DLC1: variants seen among roughly 807,000 people sequenced by gnomAD.
The protein encoded by DLC1 is rho GTPase-activating protein 7.
DLC1 carries 54 observed loss-of-function variants against 140.3 expected under a neutral mutation model. The ratio of observed to expected loss-of-function variants is 0.38; its 90% CI spans 0.31 to 0.48. DLC1 has a LOEUF of 0.48. DLC1 is among the 20% of genes least tolerant of loss of function. The pLI, the probability that DLC1 is intolerant of heterozygous loss-of-function variation, is 0.96. For synonymous variants in DLC1, 986 were observed against 728.1 expected (o/e 1.35, Z -5.70); for missense variants, 2,536 against 1,907.0 (o/e 1.33, Z -6.14).
intron 4 of DLC1, among the ~76,000 whole-genome samples, chr8:13,330,221 G>T (rs931843148): frequency 7.9e-5 from 12 of 152,008 alleles, no homozygotes; most frequent in Non-Finnish European, 1.2e-4. Context: ...CAAAATGCTG[G>T]GATTGCAGGA....
chr8:13,269,935 C>T (rs983350133), intron 5 of DLC1, among the ~76,000 whole-genome samples: 1 of 150,050 alleles, frequency 6.7e-6, no homozygotes, highest in African/African-American at 2.4e-5. Flanking sequence ...GGCATGGTGG[C>T]GGGCGCCTGT....
rs929669855 is a variant in DLC1 at position 13,099,904 on chromosome 8, T to C, written c.2433A>G (p.Glu811=). ...TGGGGAAAGTGCCAGGCTTGTGATC[T>C]TCAGGGATGTAGAACACCGTGTCCT... ...YPEDTVFYIP[E]DHKPGTFPKA... The change falls in exon 9 of 18, where the codon GAA becomes GAG. Residue 811 remains glutamate, a synonymous_variant. Transcript: ENST00000276297. The C allele has an allele frequency of 1.2e-6, 2 of 1,614,134 alleles. No homozygotes were observed. The highest frequency in any genetic ancestry group is 4.5e-5 in the East Asian group (2 of 44,876).
At chr8:13,128,156 C>G (rs1401830780) in intron 5 of DLC1, among the ~76,000 whole-genome samples, 2 of 152,190 alleles carry the variant, frequency 1.3e-5, no homozygotes, top group Non-Finnish European at 2.9e-5. Flanking sequence ...TAATAGTTCA[C>G]TTTTTGGTGC....
chr8:13,412,911 G>A (rs1837847211), intron 2 of DLC1, among the ~76,000 whole-genome samples: 2 of 128,862 alleles, frequency 1.6e-5, no homozygotes, highest in South Asian at 2.6e-4. Context: ...CAGTCTGGGC[G>A]ACAGAGCGAG....
At chr8:13,473,164 C>A (rs1279178482) in intron 2 of DLC1, among the ~76,000 whole-genome samples, 2 of 152,132 alleles carry the variant, frequency 1.3e-5, no homozygotes, top group African/African-American at 4.8e-5. Context: ...ATACCATCTG[C>A]ATGGAAACAG....
Position 13,499,724 on chromosome 8 carries a change from A to T in DLC1, c.348T>A (p.Asn116Lys), listed in dbSNP as rs1801701021. Residue 116 changes from asparagine (N) to lysine (K), a missense_variant, in exon 2 of 18, where the codon AAT (asparagine) becomes AAA (lysine). Asn to Lys is a moderately conservative substitution (Grantham distance 94). Transcript: ENST00000276297. ...TATCATCTGTAAGGCATAAATCAGC[A>T]TTGTTATCCTCATCAGAAACATGCA... is the stretch of plus-strand genomic sequence containing the variant. The part of the protein sequence containing the change: ...TLVHVSDEDN[N>K]ADLCLTDDKQ... 3 of 1,614,170 alleles carry T rather than the reference A, an allele frequency of 1.9e-6. No homozygotes were observed. Among genetic ancestry groups the T allele is most frequent in the Non-Finnish European group, 1.7e-6 (2 of 1,180,024 alleles).
At chr8:13,561,824 A>C (rs901695499) in intron 1 of DLC1, among the ~76,000 whole-genome samples, 1 of 152,228 alleles carries the variant, frequency 6.6e-6, no homozygotes, top group Admixed American at 6.5e-5. Flanking sequence ...AAAATGGGTA[A>C]GGTTATTAAC....
intron 2 of DLC1, among the ~76,000 whole-genome samples, chr8:13,446,680 C>T (rs1798789373): frequency 6.6e-6 from 1 of 152,042 alleles, no homozygotes; most frequent in Non-Finnish European, 1.5e-5. Context: ...GTGGTTCACG[C>T]CTGTAATCTC....
chr8:13,109,817 G>A (rs369570486), intron 7 of DLC1, among the ~76,000 whole-genome samples: 16 of 151,032 alleles, frequency 1.1e-4, no homozygotes, highest in African/African-American at 2.9e-4. Flanking sequence ...CCTGGGAGGC[G>A]GAGGTTGCAG....
intron 2 of DLC1, among the ~76,000 whole-genome samples, chr8:13,436,347 A>G (rs79113819): frequency 0.029 from 4,414 of 152,318 alleles, 204 homozygotes; most frequent in African/African-American, 0.1. Context: ...CAGGTTTTAC[A>G]CTTTTCTCGA....
At chr8:13,575,351 G>T (rs749458561) in intron 1 of DLC1, among the ~76,000 whole-genome samples, 5 of 152,008 alleles carry the variant, frequency 3.3e-5, no homozygotes, top group Non-Finnish European at 7.4e-5. Context: ...TTAGGAGGGG[G>T]GTACGAGAGG....
intron 5 of DLC1, among the ~76,000 whole-genome samples, chr8:13,119,789 C>CAA (rs1489763187): frequency 2.0e-5 from 3 of 151,252 alleles, no homozygotes; most frequent in African/African-American, 7.3e-5. Context: ...TTCATCTCTA[C>CAA]AAAAAATATA....
chr8:13,550,822 G>C (rs1034077181), intron 1 of DLC1, among the ~76,000 whole-genome samples: 2 of 151,998 alleles, frequency 1.3e-5, no homozygotes, highest in African/African-American at 4.8e-5. Context: ...GAAAACTCTG[G>C]CTCAGATTCT....
intron 5 of DLC1, among the ~76,000 whole-genome samples, chr8:13,281,821 T>C (rs1004082951): frequency 6.6e-6 from 1 of 152,226 alleles, no homozygotes; most frequent in Admixed American, 6.5e-5. Flanking sequence ...TTATTTCCTT[T>C]TGACTGCTGA....
At chr8:13,336,781 ATATAT>A (rs1322790919) in intron 4 of DLC1, among the ~76,000 whole-genome samples, 1 of 152,220 alleles carries the variant, frequency 6.6e-6, no homozygotes, top group African/African-American at 2.4e-5. Context: ...AATGTACATA[ATATAT>A]TAATAGTATA....
Position 13,401,590 on chromosome 8 carries a change from C to A in DLC1, c.1053G>T (p.Arg351=), listed in dbSNP as rs181293901. The change falls in exon 3 of 18, where the codon CGG becomes CGT. Residue 351 remains arginine (R), a synonymous_variant. Coordinates refer to ENST00000276297, the MANE Select transcript of DLC1 (RefSeq NM_182643.3). ...KEIREDRDRA[R]LDSMVLLIMK... Reference sequence around the variant, plus strand: ...TAATCAGCAGCACCATGGAGTCCAGCCGCGCCCTATCTCGATCTTCTCTTA... The same window carrying A: ...TAATCAGCAGCACCATGGAGTCCAGACGCGCCCTATCTCGATCTTCTCTTA... 1.2e-6 allele frequency: 2 copies of A among 1,613,636 alleles called. No individual in the cohort carries two copies. Among genetic ancestry groups the A allele is most frequent in the South Asian group, 2.2e-5 (2 of 91,052 alleles).
intron 5 of DLC1, among the ~76,000 whole-genome samples, chr8:13,173,310 A>T (rs1421600569): frequency 6.9e-6 from 1 of 144,584 alleles, no homozygotes; most frequent in African/African-American, 2.6e-5. Context: ...CAGTCTAATT[A>T]TTTAACTTTT....
rs191342841 is a variant in DLC1 at position 13,544,524 on chromosome 8, G to A, written c.-125-44328C>T. ...GGGAGGATCTGAGAGCCTACAGCGT[G>A]AGGGGAGAGATTACAAAGAACAGAC... On this transcript the variant is annotated intron_variant, in intron 1 of 1. Transcript: ENST00000631382. Among the ~76,000 whole-genome samples, 9 of 152,262 alleles carry A rather than the reference G, an allele frequency of 5.9e-5. No homozygotes were observed. In the East Asian group the frequency reaches 9.7e-4, roughly 16 times the overall value.
At chr8:13,111,773 G>A (rs749664713) in intron 6 of DLC1, among the ~76,000 whole-genome samples, 3 of 151,950 alleles carry the variant, frequency 2.0e-5, no homozygotes, top group Admixed American at 6.6e-5. Context: ...GGAGTGTCTC[G>A]GTGTAGGGTA....
Sources: allele counts gnomAD v4.1 joint callset (sites outside exome capture counted in the v4.1 genomes callset), GRCh38; gene constraint gnomAD v4.1.1; transcripts MANE v1.5; gene names NCBI Gene and HGNC (gene_info 2026-07-23, HGNC 2026-07-21).